Variants in LPP observed in about 807,000 individuals in gnomAD.
LPP encodes the protein LIM domain containing preferred translocation partner in lipoma.
In LPP, 38 loss-of-function variants were observed where a neutral mutation model predicts 60.4. The ratio of observed to expected loss-of-function variants is 0.63; its 90% CI spans 0.49 to 0.83. The LOEUF (loss-of-function observed/expected upper bound fraction) is 0.83. LPP is among the 40% of genes least tolerant of loss of function. LPP has a pLI of 0.00. For missense variants in LPP, 902 were observed against 783.6 expected (o/e 1.15, Z -1.80); for synonymous variants, 328 against 290.8 (o/e 1.13, Z -1.30).
At chr3:188,564,823 G>A (rs1283607950) in intron 6 of LPP, among the ~76,000 whole-genome samples, 1 of 151,876 alleles carries the variant, frequency 6.6e-6, no homozygotes. Flanking sequence ...GGTCTTTGTT[G>A]GACAAGGACT....
chr3:188,713,443 C>G (rs4535215), intron 8 of LPP, among the ~76,000 whole-genome samples: 9,763 of 150,516 alleles, frequency 0.065, 393 homozygotes, highest in Non-Finnish European at 0.096. Context: ...ATTTGAATAT[C>G]AATGATATAT....
chr3:188,407,780 G>GTTTTTTTTTTTTTT lies in LPP; in HGVS notation c.193+1470_193+1471insTTTTTTTTTTTTTT, dbSNP rs1268002703. On this transcript the variant is annotated intron_variant, in intron 4 of 11. Coordinates refer to ENST00000617246, the MANE Select transcript of LPP (RefSeq NM_001375462.1). ...TTCCTCATTTATGGTTTTTTTTTTTGTTTGTTTGTTTTTTTTTTTTTTTTT... is the reference window on the plus strand; with the variant it reads ...TTCCTCATTTATGGTTTTTTTTTTTGTTTTTTTTTTTTTTTTTGTTTGTTTTTTTTTTTTTTTTT... Among the ~76,000 whole-genome samples the GTTTTTTTTTTTTTT allele has an allele frequency of 6.7e-4, 64 of 94,898 alleles. 2 individuals are homozygous for GTTTTTTTTTTTTTT. Among genetic ancestry groups the GTTTTTTTTTTTTTT allele is most frequent in the South Asian group, 1.2e-3 (4 of 3,460 alleles). 62.3% of individuals were successfully genotyped at this position (94,898 alleles called of 152,430 possible). A position where few individuals can be genotyped will look rare whatever the true frequency, so the allele number is the denominator to read the frequency against.
chr3:188,180,617 A>G (rs1386755675), intron 1 of LPP: 1 of 154,386 alleles, frequency 6.5e-6, no homozygotes, highest in Non-Finnish European at 1.5e-5. Flanking sequence ...GAAAATGAGC[A>G]TCACTCATAA....
chr3:188,866,085 C>T (rs1766515589), intron 9 of LPP, 115 bp from the exon 10 acceptor site: 1 of 739,970 alleles, frequency 1.4e-6, no homozygotes, highest in South Asian at 4.6e-5. Flanking sequence ...TGATAAATGC[C>T]TTCCTTAGAG....
chr3:188,713,016 G>T (rs1003244610), intron 8 of LPP, among the ~76,000 whole-genome samples: 1 of 152,088 alleles, frequency 6.6e-6, no homozygotes, highest in Non-Finnish European at 1.5e-5. Context: ...AAAGTACTGG[G>T]AGAGGTACCA....
At chr3:188,762,780 T>C (rs1196642024) in intron 9 of LPP, among the ~76,000 whole-genome samples, 1 of 150,536 alleles carries the variant, frequency 6.6e-6, no homozygotes, top group Non-Finnish European at 1.5e-5. Flanking sequence ...TTTTTTTTTT[T>C]ACTTCTTTCC....
rs73050796 is a variant in LPP, at chr3:188,437,518, T to C, written c.193+31205T>C. ...ATTTGTTTAAAAAACAAACCTACAATTCTGTCTCTCTAACACATCAACTCC... is the reference window on the plus strand; with the variant it reads ...ATTTGTTTAAAAAACAAACCTACAACTCTGTCTCTCTAACACATCAACTCC... On this transcript the variant is annotated intron_variant, in intron 4 of 11. Coordinates refer to ENST00000617246, the MANE Select transcript of LPP (RefSeq NM_001375462.1). Among the ~76,000 whole-genome samples, 935 of 152,310 alleles carry C rather than the reference T, an allele frequency of 6.1e-3. 10 individuals are homozygous for C. The highest frequency in any genetic ancestry group is 0.021 in the African/African-American group (859 of 41,560).
chr3:188,454,591 C>A (rs1486760926), intron 4 of LPP, among the ~76,000 whole-genome samples: 3 of 152,152 alleles, frequency 2.0e-5, no homozygotes, highest in Non-Finnish European at 2.9e-5. Flanking sequence ...CTGATAAAGA[C>A]ATACCCGAGA....
chr3:188,581,896 C>T (rs1836254942), intron 6 of LPP, among the ~76,000 whole-genome samples: 1 of 152,138 alleles, frequency 6.6e-6, no homozygotes, highest in Admixed American at 6.5e-5. Flanking sequence ...ATCCAACTTA[C>T]AGTCTGTGGT....
chr3:188,230,992 T>A (rs891883623), intron 2 of LPP, among the ~76,000 whole-genome samples: 5 of 152,116 alleles, frequency 3.3e-5, no homozygotes, highest in African/African-American at 1.2e-4. Flanking sequence ...CACAGATTAT[T>A]GGACTGAGGA....
At chr3:188,218,838 C>T (rs2149268007) in intron 1 of LPP, among the ~76,000 whole-genome samples, 1 of 152,194 alleles carries the variant, frequency 6.6e-6, no homozygotes, top group South Asian at 2.1e-4. Flanking sequence ...AACAAATTGC[C>T]TTCTTTTTTC....
At chr3:188,479,692 T>C (rs1448399394) in intron 4 of LPP, among the ~76,000 whole-genome samples, 2 of 152,184 alleles carry the variant, frequency 1.3e-5, no homozygotes, top group Non-Finnish European at 2.9e-5. Flanking sequence ...TACAATCAAG[T>C]ATTACAGATG....
intron 7 of LPP, among the ~76,000 whole-genome samples, chr3:188,705,673 A>G (rs1191334515): frequency 6.6e-6 from 1 of 151,864 alleles, no homozygotes; most frequent in Non-Finnish European, 1.5e-5. Flanking sequence ...CCAAGGTTGG[A>G]ATGCAGTGGC....
intron 3 of LPP, among the ~76,000 whole-genome samples, chr3:188,393,616 T>C (rs755559250): frequency 3.9e-5 from 6 of 152,160 alleles, no homozygotes; most frequent in Non-Finnish European, 7.4e-5. Context: ...CAGGTATAAA[T>C]TGGAGATGTA....
At chr3:188,766,142 A>T (rs2150580003) in intron 9 of LPP, among the ~76,000 whole-genome samples, 1 of 151,950 alleles carries the variant, frequency 6.6e-6, no homozygotes, top group East Asian at 1.9e-4. Context: ...AAGTGCTTGG[A>T]TTACAGGCAT....
chr3:188,539,275 G>C (rs985236824), intron 6 of LPP, among the ~76,000 whole-genome samples: 1 of 152,086 alleles, frequency 6.6e-6, no homozygotes, highest in Non-Finnish European at 1.5e-5. Flanking sequence ...ACAATCTCTT[G>C]GGGAAAAATG....
At chr3:188,423,558 A>C (rs1198133678) in intron 4 of LPP, among the ~76,000 whole-genome samples, 1 of 152,172 alleles carries the variant, frequency 6.6e-6, no homozygotes, top group Non-Finnish European at 1.5e-5. Context: ...TTACACTCCC[A>C]CCAACAGTGT....
At chr3:188,223,587 A>G (rs1417489907) in intron 1 of LPP, among the ~76,000 whole-genome samples, 2 of 152,178 alleles carry the variant, frequency 1.3e-5, no homozygotes, top group African/African-American at 2.4e-5. Flanking sequence ...GACCACTTTC[A>G]TTTGTGCCTG....
chr3:188,394,049 C>G (rs1429734391), intron 3 of LPP, among the ~76,000 whole-genome samples: 14 of 152,020 alleles, frequency 9.2e-5, no homozygotes, highest in Admixed American at 5.2e-4. Flanking sequence ...ATGAAGAAAC[C>G]ATTTATTTTG....
Sources: gnomAD v4.1 joint callset for allele counts (sites outside exome capture counted in the v4.1 genomes callset) on GRCh38, gnomAD v4.1.1 for gene constraint, MANE v1.5 for transcripts, NCBI Gene and HGNC (gene_info 2026-07-23, HGNC 2026-07-21) for gene names.